Variants in CSMD1 observed in about 807,000 individuals in gnomAD.
CSMD1 encodes the protein CUB and sushi domain-containing protein 1.
A neutral mutation model predicts 417.5 loss-of-function variants in CSMD1; 213 were observed. The ratio of observed to expected loss-of-function variants is 0.51; its 90% CI spans 0.46 to 0.57. The LOEUF (loss-of-function observed/expected upper bound fraction) is 0.57. Ranked by LOEUF, CSMD1 falls within the 20% of genes least tolerant of loss-of-function variation. The pLI is 0.00. For synonymous variants in CSMD1, 2,862 were observed against 1,736.8 expected (o/e 1.65, Z -16.11); for missense variants, 6,923 against 4,529.7 (o/e 1.53, Z -15.17).
chr8:4,247,597 A>G (rs997634299), intron 3 of CSMD1, among the ~76,000 whole-genome samples: 2 of 152,196 alleles, frequency 1.3e-5, no homozygotes, highest in Non-Finnish European at 1.5e-5. Context: ...ATGGCCCTGC[A>G]TTACATAATT....
rs574677943 is a variant in CSMD1, at chr8:3,533,385, A to G, written c.1345-39659T>C. ...AGAACTTTATACTCCTTGAACAGTG[A>G]CTCCTCATTTCCCCCTCCCTGATAA... On this transcript the variant is annotated intron_variant, in intron 10 of 69. Coordinates refer to ENST00000635120, the MANE Select transcript of CSMD1 (RefSeq NM_033225.6). Among the ~76,000 whole-genome samples, 6 of 151,968 alleles carry G rather than the reference A, an allele frequency of 3.9e-5. No individual in the cohort carries two copies. The East Asian group carries it at 5.8e-4, about 15-fold the overall frequency.
At chr8:3,599,357 T>G (rs759579298) in intron 8 of CSMD1, among the ~76,000 whole-genome samples, 8 of 152,084 alleles carry the variant, frequency 5.3e-5, no homozygotes, top group South Asian at 2.1e-4. Flanking sequence ...AACACGGCAT[T>G]ATTAACCCCA....
At chr8:4,416,488 GAC>G (rs1310789251) in intron 3 of CSMD1, among the ~76,000 whole-genome samples, 1 of 151,898 alleles carries the variant, frequency 6.6e-6, no homozygotes, top group East Asian at 1.9e-4. Flanking sequence ...TTGATATTTA[GAC>G]TTTAGAACCA....
At chr8:4,432,145 G>C (rs941605690) in intron 2 of CSMD1, among the ~76,000 whole-genome samples, 1 of 152,182 alleles carries the variant, frequency 6.6e-6, no homozygotes, top group Non-Finnish European at 1.5e-5. Flanking sequence ...GCTAAAGCAT[G>C]CATGGATTAT....
At chr8:3,104,197 C>T (rs893383078) in intron 46 of CSMD1, among the ~76,000 whole-genome samples, 1 of 152,130 alleles carries the variant, frequency 6.6e-6, no homozygotes, top group African/African-American at 2.4e-5. Context: ...TGAAGGTTTG[C>T]CTGGGTTCAT....
intron 8 of CSMD1, among the ~76,000 whole-genome samples, chr8:3,603,994 A>C (rs1191566579): frequency 6.6e-6 from 1 of 152,226 alleles, no homozygotes; most frequent in Non-Finnish European, 1.5e-5. Context: ...TTGCATACTG[A>C]ATCAATATTT....
intron 6 of CSMD1, among the ~76,000 whole-genome samples, chr8:3,709,469 C>T (rs1224475243): frequency 1.3e-5 from 2 of 152,046 alleles, no homozygotes; most frequent in African/African-American, 4.8e-5. Context: ...GGTGCTCAGA[C>T]ATTGGGCCAG....
At chr8:4,359,940 T>G (rs1241643456) in intron 3 of CSMD1, among the ~76,000 whole-genome samples, 1 of 152,186 alleles carries the variant, frequency 6.6e-6, no homozygotes, top group African/African-American at 2.4e-5. Flanking sequence ...AAAGAATGCT[T>G]CCCTACTGGA....
chr8:3,312,867 T>C (rs1805457869), intron 23 of CSMD1, among the ~76,000 whole-genome samples: 1 of 152,214 alleles, frequency 6.6e-6, no homozygotes, highest in Admixed American at 6.5e-5. Context: ...TTATCCACAT[T>C]CGTTAGGATA....
At chr8:4,554,872 C>T (rs1029778645) in intron 2 of CSMD1, among the ~76,000 whole-genome samples, 1 of 152,092 alleles carries the variant, frequency 6.6e-6, no homozygotes, top group African/African-American at 2.4e-5. Flanking sequence ...TAGAAGGTTG[C>T]CAGGCCCAGG....
intron 5 of CSMD1, among the ~76,000 whole-genome samples, chr8:3,836,311 T>G (rs1039115263): frequency 1.3e-5 from 2 of 152,170 alleles, no homozygotes; most frequent in African/African-American, 4.8e-5. Context: ...CAAAGCAGTT[T>G]GCCAGTTTTG....
chr8:4,385,652 C>G (rs1010028762), intron 3 of CSMD1, among the ~76,000 whole-genome samples: 2 of 152,080 alleles, frequency 1.3e-5, no homozygotes, highest in African/African-American at 4.8e-5. Flanking sequence ...CAATTGGCAT[C>G]ATCCTGTAGG....
chr8:3,622,496 G>A (rs113316042), intron 7 of CSMD1, among the ~76,000 whole-genome samples: 163 of 152,256 alleles, frequency 1.1e-3, no homozygotes, highest in Middle Eastern at 0.01. Flanking sequence ...GCAGAAATTG[G>A]AGCTACCTGC....
At chr8:4,289,466 G>A (rs558750159) in intron 3 of CSMD1, among the ~76,000 whole-genome samples, 1 of 152,244 alleles carries the variant, frequency 6.6e-6, no homozygotes, top group East Asian at 1.9e-4. Context: ...ATCAAGTCCA[G>A]TAGTAGCCAG....
At chr8:3,387,126 T>A (rs539720186) in intron 18 of CSMD1, among the ~76,000 whole-genome samples, 43 of 152,218 alleles carry the variant, frequency 2.8e-4, no homozygotes, top group African/African-American at 9.9e-4. Flanking sequence ...TGAGAGGAAG[T>A]GAGACACTGG....
intron 52 of CSMD1, among the ~76,000 whole-genome samples, chr8:3,013,385 C>A (rs1808562057): frequency 6.6e-6 from 1 of 152,170 alleles, no homozygotes; most frequent in South Asian, 2.1e-4. Context: ...CCATCTTTCA[C>A]CTGATAGCAT....
At chr8:3,986,309 C>T (rs1257066015) in intron 5 of CSMD1, among the ~76,000 whole-genome samples, 1 of 152,236 alleles carries the variant, frequency 6.6e-6, no homozygotes, top group East Asian at 1.9e-4. Flanking sequence ...TCTAAAAGCT[C>T]AGTGAAAACC....
intron 9 of CSMD1, among the ~76,000 whole-genome samples, chr8:3,585,146 C>T (rs1243475823): frequency 2.6e-5 from 4 of 152,078 alleles, no homozygotes; most frequent in Non-Finnish European, 5.9e-5. Flanking sequence ...TTATAGGGAC[C>T]AGGTACAATA....
At chr8:3,119,465 T>A (rs767894569) in intron 41 of CSMD1, among the ~76,000 whole-genome samples, 4 of 147,356 alleles carry the variant, frequency 2.7e-5, no homozygotes, top group African/African-American at 2.4e-5. Flanking sequence ...TTTTATAACA[T>A]GATTTATTGT....
Sources: gnomAD v4.1 joint callset for allele counts (sites outside exome capture counted in the v4.1 genomes callset) on GRCh38, gnomAD v4.1.1 for gene constraint, MANE v1.5 for transcripts, NCBI Gene and HGNC (gene_info 2026-07-23, HGNC 2026-07-21) for gene names.